PML: variants seen among roughly 807,000 people sequenced by gnomAD.
PML encodes the protein PML nuclear body scaffold, also known as protein PML.
A neutral mutation model predicts 65.2 loss-of-function variants in PML; 28 were observed. The ratio of observed to expected loss-of-function variants is 0.43; its 90% CI spans 0.32 to 0.59. PML has a LOEUF of 0.59. Ranked by LOEUF, PML falls within the 20% of genes least tolerant of loss-of-function variation. PML has a pLI of 0.08. For missense variants in PML, 1,021 were observed against 1,203.4 expected, an observed-to-expected ratio of 0.85 and a Z score of 2.24; for synonymous variants, 500 against 508.8, an observed-to-expected ratio of 0.98 and a Z score of 0.23.
chr15:74,035,284 G>A lies in PML; in HGVS notation c.1710+754G>A. 1 of 1,613,112 alleles carries A rather than the reference G, an allele frequency of 6.2e-7. No individual in the cohort carries two copies. Among genetic ancestry groups the A allele is most frequent in the East Asian group, 2.2e-5 (1 of 44,830 alleles). ...GTCCAGTCTCTGCTGAGAGCACAAG[G>A]AGCCTCCAGCCTGCCCTGTGGCACA... On this transcript the variant is annotated intron_variant, in intron 7 of 8. Coordinates refer to ENST00000268058, the MANE Select transcript of PML (RefSeq NM_033238.3). The surrounding 1 kb of genome is among the most constrained non-coding windows in gnomAD (Gnocchi z 4.1).
chr15:74,044,691 T>G lies in PML; in HGVS notation c.2332T>G (p.Phe778Val). 6.2e-7 allele frequency: 1 copy of G among 1,607,502 alleles called. No individual in the cohort carries two copies. The highest frequency in any genetic ancestry group is 8.5e-7 in the Non-Finnish European group (1 of 1,179,938). The change falls in exon 9 of 9, where the codon TTT becomes GTT. Residue 778 changes from phenylalanine to valine, a missense_variant. Phe to Val is a conservative substitution (Grantham distance 50, BLOSUM62 -1). Coordinates refer to ENST00000268058, the MANE Select transcript of PML (RefSeq NM_033238.3). ...CTACCCCTTCAGTAGCCTGCAGTGCTTTGCCTCCCTGCAGCCCCTGGTGCA... is the reference window on the plus strand; with the variant it reads ...CTACCCCTTCAGTAGCCTGCAGTGCGTTGCCTCCCTGCAGCCCCTGGTGCA... ...HVYPFSSLQC[F>V]ASLQPLVQAA...
chr15:74,034,431 C>T (rs1330292984), intron 6 of PML, 47 bp from the exon 7 acceptor site: 14 of 1,613,866 alleles, frequency 8.7e-6, no homozygotes, highest in Non-Finnish European at 1.2e-5. Flanking sequence ...CCCCTCCCAG[C>T]ATGCATCCTA....
In PML at chr15:74,045,053, AT is replaced by A. The variant is rs774775517; in HGVS notation, c.*46del. The A allele has an allele frequency of 1.3e-4, 191 of 1,518,288 alleles. 2 individuals carry two copies. The African/African-American group carries it at 2.3e-3, about 18-fold the overall frequency. 94.1% of individuals were successfully genotyped at this position (1,518,288 alleles called of 1,614,324 possible). ...TGGAGTCTCTGGTGGGCAGAGAGGGATGGGGTCCCTGAGCCAGGCCCCACCC... is the reference window on the plus strand; with the variant it reads ...TGGAGTCTCTGGTGGGCAGAGAGGGAGGGGTCCCTGAGCCAGGCCCCACCC... On this transcript the variant is annotated 3_prime_UTR_variant, in exon 9 of 9. Coordinates refer to ENST00000268058, the MANE Select transcript of PML (RefSeq NM_033238.3).
chr15:74,002,460 T>TC (rs2069815134), intron 2 of PML, among the ~76,000 whole-genome samples: 1 of 147,052 alleles, frequency 6.8e-6, no homozygotes, highest in Non-Finnish European at 1.5e-5. Flanking sequence ...TTTTTTTTTT[T>TC]TTTGATGGAG....
chr15:73,997,940 G>A (rs1567115090), intron 1 of PML, 64 bp from the exon 2 acceptor site: 9 of 1,412,946 alleles, frequency 6.4e-6, no homozygotes, highest in Non-Finnish European at 9.0e-6. Context: ...TGTAAGGGTG[G>A]TTGGCCGGTA....
At chr15:74,022,740 T>C (rs960434946) in intron 2 of PML, 88 bp from the exon 3 acceptor site, 10 of 1,042,522 alleles carry the variant, frequency 9.6e-6, no homozygotes, top group South Asian at 1.3e-5. Context: ...CAAAGTCTGG[T>C]ATTTTTGGAA....
chr15:74,046,187 A>C lies in PML; in HGVS notation c.*1179A>C, dbSNP rs2071769192. ...GGAATGGAAAGCAGGCCTCTGAGGC[A>C]GTGGACAGGAAGACTTCTCATCCTT... On this transcript the variant is annotated 3_prime_UTR_variant, in exon 9 of 9. Transcript: ENST00000268058. The C allele has an allele frequency of 8.6e-6, 2 of 233,054 alleles. No homozygotes were observed. Among genetic ancestry groups the C allele is most frequent in the Non-Finnish European group, 1.7e-5 (2 of 117,992 alleles). The allele number at this position is 233,054 out of a possible 1,614,324, so 14.4% of individuals were successfully genotyped here. A position where few individuals can be genotyped will look rare whatever the true frequency, so the allele number is the denominator to read the frequency against.
At chr15:74,038,583 C>T (rs1945948282) in intron 7 of PML, among the ~76,000 whole-genome samples, 3 of 152,180 alleles carry the variant, frequency 2.0e-5, no homozygotes, top group Non-Finnish European at 4.4e-5. Flanking sequence ...TCTCACCCAA[C>T]TTCTGGGCCC....
At position 74,044,834 on chromosome 15, in the gene PML, C is replaced by A. The variant is rs777710463; in HGVS notation, c.2475C>A (p.Arg825=). 1.2e-6 allele frequency: 2 copies of A among 1,613,344 alleles called. No individual in the cohort carries two copies. Among genetic ancestry groups the A allele is most frequent in the Non-Finnish European group, 1.7e-6 (2 of 1,180,024 alleles). ...DRQGGLKKYS[R]YLSLQTTTLP... is the part of the protein sequence containing the mutation. ...AGGGGGGCCTGAAGAAGTACAGCCG[C>A]TATCTAAGCCTGCAGACCACCACGT... The change falls in exon 9 of 9, where the codon CGC becomes CGA. Residue 825 remains arginine, a synonymous_variant. Coordinates refer to ENST00000268058, the MANE Select transcript of PML (RefSeq NM_033238.3).
rs1448000921 is a variant in PML, at chr15:73,998,264, C to G, written c.390C>G (p.Thr130=). The part of the protein sequence containing the change: ...RQIVDAQAVC[T]RCKESADFWC... ...TTGTGGATGCGCAGGCTGTGTGCACCCGCTGCAAAGAGTCGGCCGACTTCT... is the reference window on the plus strand; with the variant it reads ...TTGTGGATGCGCAGGCTGTGTGCACGCGCTGCAAAGAGTCGGCCGACTTCT... Residue 130 remains threonine (T), a synonymous_variant, in exon 2 of 9, where the codon ACC becomes ACG. Transcript: ENST00000268058. 1 of 1,614,186 alleles carries G rather than the reference C, an allele frequency of 6.2e-7. No individual in the cohort carries two copies. Among genetic ancestry groups the G allele is most frequent in the South Asian group, 1.1e-5 (1 of 91,082 alleles).
Position 74,034,468 on chromosome 15 carries a change from C to A in PML, c.1658-10C>A. On this transcript the variant is annotated splice_polypyrimidine_tract_variant and intron_variant, in intron 6 of 8. Transcript: ENST00000268058. ...GCAGTTCATAATGCATCTCCCCTTC[C>A]CCGTTTCAGAGGAACGCGTTGTGGT... 4.3e-6 allele frequency: 7 copies of A among 1,614,210 alleles called. No homozygotes were observed. The highest frequency in any genetic ancestry group is 5.9e-6 in the Non-Finnish European group (7 of 1,180,046).
Position 74,045,822 on chromosome 15 carries a change from G to A in PML, c.*814G>A. 4.3e-6 allele frequency: 1 copy of A among 232,132 alleles called. No homozygotes were observed. Among genetic ancestry groups the A allele is most frequent in the Non-Finnish European group, 8.5e-6 (1 of 117,392 alleles). 14.4% of individuals were successfully genotyped at this position (232,132 alleles called of 1,614,324 possible). On this transcript the variant is annotated 3_prime_UTR_variant, in exon 9 of 9. Transcript: ENST00000268058. ...ATGTAGTCCAGGACCTGCGGCATCA[G>A]CATCCCCTGGGAGCTTCTTAGAAAT...
intron 2 of PML, among the ~76,000 whole-genome samples, chr15:74,016,309 A>T (rs903069743): frequency 6.6e-6 from 1 of 151,874 alleles, no homozygotes; most frequent in African/African-American, 2.4e-5. Context: ...AAATAAATAA[A>T]ATAAAATACA....
chr15:74,035,311 A>G lies in PML; in HGVS notation c.1710+781A>G, dbSNP rs775515717. The G allele has an allele frequency of 1.6e-5, 25 of 1,612,322 alleles. No individual in the cohort carries two copies. Among genetic ancestry groups the G allele is most frequent in the Non-Finnish European group, 1.9e-5 (23 of 1,179,834 alleles). ...GCCTCCAGCCTGCCCTGTGGCACAT[A>G]CCACCCCCCAGCTTGGCCTCCCCAC... On this transcript the variant is annotated intron_variant, in intron 7 of 8. Transcript: ENST00000268058. This position sits in a 1 kb window ranked among gnomAD's most constrained non-coding sequence, Gnocchi z 4.1.
chr15:74,019,275 C>G (rs944700244), intron 2 of PML, among the ~76,000 whole-genome samples: 2 of 152,242 alleles, frequency 1.3e-5, no homozygotes, highest in Non-Finnish European at 2.9e-5. Flanking sequence ...GAGGCGTGCC[C>G]TTCCAGGCTT....
intron 2 of PML, among the ~76,000 whole-genome samples, chr15:74,005,845 G>A (rs1179621839): frequency 1.3e-5 from 2 of 152,276 alleles, no homozygotes; most frequent in Admixed American, 1.3e-4. Flanking sequence ...AGATTGTTCA[G>A]TGTTTGTAGC....
rs1436629731 is a variant in PML, at chr15:74,047,637, T to TG, written c.*2631dup. ...CTCCTTGATCCTCAGGCTGCACCTCTGGCAAATGGGAGAATGCGGCTCCTT... is the reference window on the plus strand; with the variant it reads ...CTCCTTGATCCTCAGGCTGCACCTCTGGGCAAATGGGAGAATGCGGCTCCTT... On this transcript the variant is annotated 3_prime_UTR_variant, in exon 9 of 9. Coordinates refer to ENST00000268058, the MANE Select transcript of PML (RefSeq NM_033238.3). The TG allele has an allele frequency of 9.6e-6, 2 of 208,170 alleles. No individual in the cohort carries two copies. The highest frequency in any genetic ancestry group is 1.2e-4 in the Admixed American group (2 of 16,880). 12.9% of individuals were successfully genotyped at this position (208,170 alleles called of 1,614,324 possible). A position where few individuals can be genotyped will look rare whatever the true frequency, so the allele number is the denominator to read the frequency against.
chr15:74,029,740 G>A (rs2071235635), intron 4 of PML, among the ~76,000 whole-genome samples: 1 of 152,148 alleles, frequency 6.6e-6, no homozygotes, highest in African/African-American at 2.4e-5. Flanking sequence ...TGTTGGTCAT[G>A]CCCCACTAAA....
chr15:74,007,337 T>C (rs1035125631), intron 2 of PML, among the ~76,000 whole-genome samples: 2 of 152,214 alleles, frequency 1.3e-5, no homozygotes, highest in Non-Finnish European at 1.5e-5. Context: ...GGCATATTTT[T>C]ATCCCTTATG....
Sources: gnomAD v4.1 joint callset for allele counts (sites outside exome capture counted in the v4.1 genomes callset) on GRCh38, gnomAD v4.1.1 for gene constraint, Gnocchi (gnomAD v3.1) non-coding constraint, MANE v1.5 for transcripts, NCBI Gene and HGNC (gene_info 2026-07-23, HGNC 2026-07-21) for gene names.